CERS6: variants seen among roughly 807,000 people sequenced by gnomAD.
The protein encoded by CERS6 is ceramide synthase 6, also known as LAG1 homolog, ceramide synthase 6.
CERS6 carries 26 observed loss-of-function variants against 56.8 expected under a neutral mutation model. The ratio of observed to expected loss-of-function variants is 0.46; its 90% CI spans 0.34 to 0.63. CERS6 has a LOEUF of 0.63. Ranked by LOEUF, CERS6 falls within the 30% of genes least tolerant of loss-of-function variation. The pLI, the probability that CERS6 is intolerant of heterozygous loss-of-function variation, is 0.01. For missense variants in CERS6, 415 were observed against 467.5 expected (o/e 0.89, Z 1.04); for synonymous variants, 164 against 173.3 (o/e 0.95, Z 0.42).
At chr2:168,746,819 A>ATG (rs1559078601) in intron 8 of CERS6, among the ~76,000 whole-genome samples, 117 of 93,576 alleles carry the variant, frequency 1.3e-3, no homozygotes, top group Non-Finnish European at 1.5e-3. Flanking sequence ...ATATATATAT[A>ATG]TAAAATCATC....
intron 3 of CERS6, among the ~76,000 whole-genome samples, chr2:168,592,600 G>T (rs1477217210): frequency 2.0e-5 from 3 of 152,106 alleles, no homozygotes; most frequent in African/African-American, 7.2e-5. Context: ...AAGGCTGGGG[G>T]CAGTGGGGAG....
At chr2:168,587,697 A>G (rs1683576316) in intron 3 of CERS6, among the ~76,000 whole-genome samples, 9 of 152,062 alleles carry the variant, frequency 5.9e-5, no homozygotes, top group Admixed American at 5.9e-4. Context: ...ATACAGGCAA[A>G]GTTGGTGTGA....
chr2:168,635,128 A>G (rs779250589), intron 4 of CERS6, among the ~76,000 whole-genome samples: 13 of 152,164 alleles, frequency 8.5e-5, no homozygotes, highest in Non-Finnish European at 1.8e-4. Flanking sequence ...GGCCTCACCC[A>G]TTAGCACCCC....
At chr2:168,550,967 AC>A in intron 2 of CERS6, among the ~76,000 whole-genome samples, 1 of 152,316 alleles carries the variant, frequency 6.6e-6, no homozygotes, top group Admixed American at 6.5e-5. Context: ...GAACTGGGCA[AC>A]CACACACACA....
At chr2:168,481,127 C>A (rs1574011250) in intron 1 of CERS6, among the ~76,000 whole-genome samples, 1 of 152,042 alleles carries the variant, frequency 6.6e-6, no homozygotes, top group Non-Finnish European at 1.5e-5. Flanking sequence ...GGACAGTTGG[C>A]CAGGCTGGCC....
rs191091985 is a variant in CERS6 at position 168,770,412 on chromosome 2, G to C, written c.*750G>C. ...TTTGTTTGTTTGTTTGTTTTTCTCT[G>C]TGATGAGGTCAGTGCTCTGATTTTG... On this transcript the variant is annotated 3_prime_UTR_variant, in exon 10 of 10. Coordinates refer to ENST00000305747, the MANE Select transcript of CERS6 (RefSeq NM_203463.3). 255 of 152,386 alleles carry C rather than the reference G, an allele frequency of 1.7e-3. No individual in the cohort carries two copies. The Middle Eastern group carries it at 0.024, about 14-fold the overall frequency. 9.4% of individuals were successfully genotyped at this position (152,386 alleles called of 1,614,324 possible).
At chr2:168,724,958 G>T (rs1165363518) in intron 8 of CERS6, among the ~76,000 whole-genome samples, 1 of 152,220 alleles carries the variant, frequency 6.6e-6, no homozygotes, top group Non-Finnish European at 1.5e-5. Context: ...GGTGGCACTC[G>T]TCGTGGAGGC....
chr2:168,482,037 C>A (rs1431846056), intron 1 of CERS6, among the ~76,000 whole-genome samples: 3 of 152,092 alleles, frequency 2.0e-5, no homozygotes, highest in Non-Finnish European at 4.4e-5. Context: ...TAAATATGAA[C>A]AATTTTGATT....
chr2:168,673,637 A>C (rs1013515185), intron 4 of CERS6, among the ~76,000 whole-genome samples: 1 of 152,174 alleles, frequency 6.6e-6, no homozygotes, highest in East Asian at 1.9e-4. Context: ...CAGCTGGCTA[A>C]TGGCAGACTA....
At chr2:168,739,050 T>A (rs866924389) in intron 8 of CERS6, among the ~76,000 whole-genome samples, 3 of 108,574 alleles carry the variant, frequency 2.8e-5, no homozygotes, top group East Asian at 2.6e-4. Context: ...CACACCCGGC[T>A]AATTTTTTTT....
intron 8 of CERS6, among the ~76,000 whole-genome samples, chr2:168,743,326 G>T (rs1026450673): frequency 6.6e-6 from 1 of 151,936 alleles, no homozygotes; most frequent in Non-Finnish European, 1.5e-5. Context: ...TGAATTACTA[G>T]TTGGAGCTTT....
intron 3 of CERS6, among the ~76,000 whole-genome samples, chr2:168,607,127 T>G (rs950177297): frequency 6.6e-6 from 1 of 152,114 alleles, no homozygotes; most frequent in Non-Finnish European, 1.5e-5. Flanking sequence ...ATGGTTATAT[T>G]TTACATTTTT....
chr2:168,570,249 A>G (rs1016231421), intron 3 of CERS6, among the ~76,000 whole-genome samples: 7 of 152,218 alleles, frequency 4.6e-5, no homozygotes, highest in African/African-American at 7.2e-5. Context: ...CAAGAAAAAG[A>G]TGAAAAACCA....
intron 1 of CERS6, among the ~76,000 whole-genome samples, chr2:168,503,939 G>A (rs1694631071): frequency 6.6e-6 from 1 of 152,210 alleles, no homozygotes; most frequent in Non-Finnish European, 1.5e-5. Flanking sequence ...GGGGTCTGGA[G>A]AGGAAAGGAA....
At chr2:168,760,370 T>C (rs879474686) in intron 8 of CERS6, among the ~76,000 whole-genome samples, 10 of 152,240 alleles carry the variant, frequency 6.6e-5, no homozygotes, top group Admixed American at 6.5e-4. Flanking sequence ...GCGTTTCCCA[T>C]GTTTCTGCCT....
intron 8 of CERS6, among the ~76,000 whole-genome samples, chr2:168,756,375 A>C (rs2105452248): frequency 6.6e-6 from 1 of 152,334 alleles, no homozygotes; most frequent in African/African-American, 2.4e-5. Flanking sequence ...CCCATTTCCC[A>C]GTTGAATTTA....
intron 3 of CERS6, among the ~76,000 whole-genome samples, chr2:168,600,656 A>G (rs917612782): frequency 6.6e-6 from 1 of 152,008 alleles, no homozygotes; most frequent in African/African-American, 2.4e-5. Context: ...CCTTGATAAT[A>G]TTTACCTTGT....
At chr2:168,700,667 A>G (rs577163198) in intron 6 of CERS6, among the ~76,000 whole-genome samples, 7 of 152,264 alleles carry the variant, frequency 4.6e-5, no homozygotes, top group South Asian at 4.1e-4. Flanking sequence ...GAGTTTGTCT[A>G]CCTGCCCAGC....
chr2:168,470,333 T>C (rs1433392868), intron 1 of CERS6, among the ~76,000 whole-genome samples: 2 of 151,966 alleles, frequency 1.3e-5, no homozygotes, highest in Non-Finnish European at 2.9e-5. Flanking sequence ...CAATGAACTA[T>C]GATTGCACCA....
Sources: allele counts gnomAD v4.1 joint callset (sites outside exome capture counted in the v4.1 genomes callset), GRCh38; gene constraint gnomAD v4.1.1; transcripts MANE v1.5; gene names NCBI Gene and HGNC (gene_info 2026-07-23, HGNC 2026-07-21).